Variants in LRMDA observed in about 807,000 individuals in gnomAD.
LRMDA encodes the protein leucine-rich melanocyte differentiation-associated protein.
LRMDA carries 18 observed loss-of-function variants against 29.8 expected under a neutral mutation model. That is an observed-to-expected ratio of 0.60 (90% confidence interval 0.42 to 0.90). LRMDA has a LOEUF of 0.90. Ranked by LOEUF, LRMDA falls within the 40% of genes least tolerant of loss-of-function variation. The pLI is 0.00. For synonymous variants in LRMDA, 125 were observed against 109.4 expected (o/e 1.14, Z -0.89); for missense variants, 273 against 273.9 (o/e 1.00, Z 0.02).
At chr10:76,242,342 C>T (rs1852292393) in intron 5 of LRMDA, 1 of 152,206 alleles carries the variant, frequency 6.6e-6, no homozygotes, top group African/African-American at 2.4e-5. Context: ...CAAAGTATCA[C>T]AACGTGGGTG....
chr10:75,471,486 C>T (rs1399504372), intron 2 of LRMDA, among the ~76,000 whole-genome samples: 2 of 152,136 alleles, frequency 1.3e-5, no homozygotes, highest in Non-Finnish European at 2.9e-5. Flanking sequence ...GCAAAACCTG[C>T]CTAAGGACCT....
At chr10:75,885,168 G>T (rs1845363809) in intron 2 of LRMDA, among the ~76,000 whole-genome samples, 1 of 152,172 alleles carries the variant, frequency 6.6e-6, no homozygotes, top group Admixed American at 6.5e-5. Context: ...CATACCCAAG[G>T]CCTCTCAGGC....
At chr10:75,563,696 A>T (rs1017343760) in intron 2 of LRMDA, among the ~76,000 whole-genome samples, 1 of 151,858 alleles carries the variant, frequency 6.6e-6, no homozygotes, top group Non-Finnish European at 1.5e-5. Flanking sequence ...GGTGATGTAC[A>T]GATGGATTTT....
intron 2 of LRMDA, among the ~76,000 whole-genome samples, chr10:76,031,084 T>C (rs1445782756): frequency 6.6e-6 from 1 of 152,176 alleles, no homozygotes; most frequent in African/African-American, 2.4e-5. Context: ...AACTGCACTG[T>C]CCAATTAGAA....
chr10:76,433,194 T>G (rs1331016625), intron 6 of LRMDA, among the ~76,000 whole-genome samples: 1 of 150,778 alleles, frequency 6.6e-6, no homozygotes, highest in Non-Finnish European at 1.5e-5. Context: ...CACAGGTATC[T>G]GTGTTAATGG....
intron 6 of LRMDA, among the ~76,000 whole-genome samples, chr10:76,489,895 G>T (rs113602573): frequency 6.6e-6 from 1 of 151,782 alleles, no homozygotes; most frequent in African/African-American, 2.4e-5. Flanking sequence ...CCTGTGAAGA[G>T]GTGCCTTCTG....
At chr10:76,053,513 AT>A (rs767076845) in intron 4 of LRMDA, among the ~76,000 whole-genome samples, 13 of 135,308 alleles carry the variant, frequency 9.6e-5, no homozygotes, top group Non-Finnish European at 1.9e-4. Flanking sequence ...TTGTATTTTT[AT>A]GGCAAACTTG....
At chr10:75,437,672 G>A (rs1844276587) in intron 1 of LRMDA, among the ~76,000 whole-genome samples, 1 of 152,114 alleles carries the variant, frequency 6.6e-6, no homozygotes, top group Admixed American at 6.6e-5. Flanking sequence ...TTTAATATTT[G>A]GGCACATACA....
intron 2 of LRMDA, among the ~76,000 whole-genome samples, chr10:75,497,327 T>C (rs1228834027): frequency 6.6e-6 from 1 of 152,182 alleles, no homozygotes; most frequent in Non-Finnish European, 1.5e-5. Flanking sequence ...TTGACATTTG[T>C]TCTGCTTGCT....
At chr10:76,470,482 G>A (rs997428485) in intron 6 of LRMDA, 1 of 151,748 alleles carries the variant, frequency 6.6e-6, no homozygotes, top group Admixed American at 6.6e-5. Context: ...ATGGACAAAA[G>A]GTAGAAACAA....
chr10:75,499,512 A>C (rs1845087787), intron 2 of LRMDA, among the ~76,000 whole-genome samples: 1 of 152,204 alleles, frequency 6.6e-6, no homozygotes, highest in African/African-American at 2.4e-5. Flanking sequence ...ACTTTACTTC[A>C]CAGAACTGTC....
chr10:75,469,437 A>G (rs1014806225), intron 2 of LRMDA, among the ~76,000 whole-genome samples: 5 of 152,072 alleles, frequency 3.3e-5, no homozygotes, highest in Admixed American at 3.3e-4. Flanking sequence ...CTGAACCTAG[A>G]GCGTGTGCTG....
At chr10:76,355,272 G>A (rs1841225540) in intron 6 of LRMDA, among the ~76,000 whole-genome samples, 1 of 152,138 alleles carries the variant, frequency 6.6e-6, no homozygotes, top group African/African-American at 2.4e-5. Flanking sequence ...AGAGTAGGTT[G>A]TACTGGAACT....
At chr10:76,528,440 G>A (rs949999719) in intron 6 of LRMDA, among the ~76,000 whole-genome samples, 4 of 152,108 alleles carry the variant, frequency 2.6e-5, no homozygotes, top group African/African-American at 9.7e-5. Context: ...CAGAAAAAAG[G>A]CCAGAAGGCA....
At chr10:75,500,867 G>A (rs940213287) in intron 2 of LRMDA, among the ~76,000 whole-genome samples, 16 of 152,184 alleles carry the variant, frequency 1.1e-4, no homozygotes, top group Admixed American at 7.9e-4. Flanking sequence ...ATTACAGTTC[G>A]AGATGAGATT....
At chr10:76,409,444 T>C (rs999878827) in intron 6 of LRMDA, among the ~76,000 whole-genome samples, 6 of 152,210 alleles carry the variant, frequency 3.9e-5, no homozygotes, top group African/African-American at 1.4e-4. Flanking sequence ...AATTATATTT[T>C]GTATTCTAAA....
At chr10:76,169,366 A>G (rs1278441671) in intron 5 of LRMDA, among the ~76,000 whole-genome samples, 1 of 152,280 alleles carries the variant, frequency 6.6e-6, no homozygotes, top group East Asian at 1.9e-4. Flanking sequence ...TGGTCTTGGG[A>G]GCCCCTGAAA....
intron 2 of LRMDA, among the ~76,000 whole-genome samples, chr10:75,993,830 C>T (rs755767043): frequency 5.3e-5 from 8 of 152,148 alleles, no homozygotes; most frequent in Non-Finnish European, 8.8e-5. Context: ...TGCTTGGTGA[C>T]TGGAAGAGTG....
intron 5 of LRMDA, among the ~76,000 whole-genome samples, chr10:76,087,795 C>T (rs1849161109): frequency 6.6e-6 from 1 of 152,168 alleles, no homozygotes; most frequent in African/African-American, 2.4e-5. Flanking sequence ...GTGACACAAA[C>T]TTTGATTTCC....
Sources: allele counts gnomAD v4.1 joint callset (sites outside exome capture counted in the v4.1 genomes callset), GRCh38; gene constraint gnomAD v4.1.1; transcripts MANE v1.5; gene names NCBI Gene and HGNC (gene_info 2026-07-23, HGNC 2026-07-21).